The following PDE8A variants were observed in gnomAD, a reference collection of about 807,000 sequenced individuals.
PDE8A encodes phosphodiesterase 8A.
A neutral mutation model predicts 105.0 loss-of-function variants in PDE8A; 59 were observed. The observed-to-expected ratio is 0.56, with a 90% CI of 0.46 to 0.70. The LOEUF (loss-of-function observed/expected upper bound fraction) is 0.70, where lower values mean the gene tolerates loss of function less well. PDE8A is among the 30% of genes least tolerant of loss of function. The probability of loss-of-function intolerance (pLI) is 0.00; values close to 1 mark genes in which losing one functional copy is unlikely to be tolerated. For missense variants in PDE8A, 1,014 were observed against 1,045.9 expected, an observed-to-expected ratio of 0.97 and a Z score of 0.42; for synonymous variants, 355 against 371.9, an observed-to-expected ratio of 0.95 and a Z score of 0.52.
chr15:85,020,067 A>G (rs1253672493), intron 1 of PDE8A, among the ~76,000 whole-genome samples: 1 of 149,824 alleles, frequency 6.7e-6, no homozygotes, highest in Admixed American at 6.8e-5. Context: ...CCACCAGTAA[A>G]GTCAGAAATG....
At chr15:85,070,207 A>G (rs1644271582) in intron 3 of PDE8A, among the ~76,000 whole-genome samples, 1 of 152,176 alleles carries the variant, frequency 6.6e-6, no homozygotes, top group Non-Finnish European at 1.5e-5. Context: ...AATGACTAGC[A>G]TTCACCTGTA....
chr15:85,086,467 G>A (rs1298533663), intron 6 of PDE8A, among the ~76,000 whole-genome samples: 1 of 152,082 alleles, frequency 6.6e-6, no homozygotes, highest in East Asian at 1.9e-4. Flanking sequence ...AATACATGAA[G>A]AGCTTTGATT....
intron 17 of PDE8A, among the ~76,000 whole-genome samples, chr15:85,119,071 T>G (rs1201893286): frequency 1.3e-5 from 2 of 152,238 alleles, no homozygotes; most frequent in Non-Finnish European, 2.9e-5. Flanking sequence ...GAGGGACATC[T>G]GTGTCAATAT....
chr15:85,032,105 A>G (rs2080625580), intron 1 of PDE8A, among the ~76,000 whole-genome samples: 1 of 152,234 alleles, frequency 6.6e-6, no homozygotes. Flanking sequence ...TCACAGCCAT[A>G]GCCAGCTTTG....
At chr15:85,057,270 AG>A (rs1378409522) in intron 1 of PDE8A, among the ~76,000 whole-genome samples, 13 of 152,172 alleles carry the variant, frequency 8.5e-5, no homozygotes, top group African/African-American at 3.1e-4. Flanking sequence ...GATCCGCTTG[AG>A]GAGGCAGACT....
At chr15:85,010,004 T>G (rs1239306701) in intron 1 of PDE8A, among the ~76,000 whole-genome samples, 1 of 152,144 alleles carries the variant, frequency 6.6e-6, no homozygotes, top group Admixed American at 6.5e-5. Context: ...TCGTGTTGAG[T>G]GAATGAAGCC....
intron 11 of PDE8A, 109 bp downstream of exon 11, chr15:85,100,307 C>A: frequency 3.2e-6 from 3 of 943,942 alleles, no homozygotes; most frequent in South Asian, 1.5e-5. Context: ...TTTCCTCAGA[C>A]TGTGGCAACA....
Position 85,083,614 on chromosome 15 carries a change from T to C in PDE8A, c.605T>C (p.Phe202Ser). The change falls in exon 6 of 22, where the codon TTT becomes TCT. Residue 202 changes from phenylalanine to serine, a missense_variant. Phe to Ser is a radical substitution (Grantham distance 155). Transcript: ENST00000394553. ...ACYNELLQLE[F>S]GEVRSQLKLR... The stretch of plus-strand genomic sequence containing the variant: ...TACAATGAACTGCTCCAGCTGGAGT[T>C]TGGAGAGGTGCGATCACAACTGAAA... 6.2e-7 allele frequency: 1 copy of C among 1,613,488 alleles called. No individual in the cohort carries two copies. Among genetic ancestry groups the C allele is most frequent in the Non-Finnish European group, 8.5e-7 (1 of 1,179,446 alleles).
At chr15:84,984,451 A>G (rs928071757) in intron 1 of PDE8A, among the ~76,000 whole-genome samples, 2 of 152,208 alleles carry the variant, frequency 1.3e-5, no homozygotes, top group African/African-American at 4.8e-5. Flanking sequence ...AAATCATAAA[A>G]TTAGTTTCTT....
intron 1 of PDE8A, among the ~76,000 whole-genome samples, chr15:85,056,650 TC>T (rs2081064452): frequency 6.6e-6 from 1 of 152,236 alleles, no homozygotes. Context: ...GTCATGGTTT[TC>T]AGCTCCATCA....
intron 18 of PDE8A, among the ~76,000 whole-genome samples, chr15:85,122,359 C>T (rs746976465): frequency 1.3e-5 from 2 of 152,128 alleles, no homozygotes; most frequent in Non-Finnish European, 2.9e-5. Flanking sequence ...ATGAAGAATA[C>T]TTATTAATAT....
At chr15:85,000,089 C>G (rs1362789294) in intron 1 of PDE8A, among the ~76,000 whole-genome samples, 2 of 152,190 alleles carry the variant, frequency 1.3e-5, no homozygotes, top group Non-Finnish European at 2.9e-5. Flanking sequence ...GCTGTGTGAG[C>G]TGGAGCAAAT....
At chr15:85,118,341 T>G (rs185801032) in intron 17 of PDE8A, among the ~76,000 whole-genome samples, 20 of 152,198 alleles carry the variant, frequency 1.3e-4, no homozygotes, top group Admixed American at 1.3e-3. Flanking sequence ...TTCTTTCCAC[T>G]CCTCAACCCC....
intron 3 of PDE8A, among the ~76,000 whole-genome samples, chr15:85,069,430 A>G (rs1178454915): frequency 6.6e-6 from 1 of 152,200 alleles, no homozygotes; most frequent in African/African-American, 2.4e-5. Context: ...TTGCTAGAAC[A>G]GAGCTATTAT....
At chr15:85,062,410 A>G (rs888710282) in intron 1 of PDE8A, 4 of 152,164 alleles carry the variant, frequency 2.6e-5, no homozygotes, top group Non-Finnish European at 4.4e-5. Context: ...TTGCTTTTCA[A>G]TGCCTTAGTC....
intron 3 of PDE8A, among the ~76,000 whole-genome samples, chr15:85,070,566 T>G (rs2081296348): frequency 6.6e-6 from 1 of 152,048 alleles, no homozygotes; most frequent in Admixed American, 6.6e-5. Context: ...AGCAGGAGTT[T>G]TGAAAGGAAA....
At chr15:85,025,281 G>A (rs759819658) in intron 1 of PDE8A, among the ~76,000 whole-genome samples, 3 of 152,126 alleles carry the variant, frequency 2.0e-5, no homozygotes, top group Non-Finnish European at 1.5e-5. Flanking sequence ...GCACTCCCTT[G>A]AAGCCAGTTC....
chr15:85,033,123 A>G (rs528182730), intron 1 of PDE8A, among the ~76,000 whole-genome samples: 1 of 152,338 alleles, frequency 6.6e-6, no homozygotes, highest in South Asian at 2.1e-4. Flanking sequence ...AGTTCTTCAA[A>G]GATTGAACCA....
At chr15:85,003,169 C>T (rs2080092782) in intron 1 of PDE8A, among the ~76,000 whole-genome samples, 1 of 152,104 alleles carries the variant, frequency 6.6e-6, no homozygotes. Context: ...ATAACCAGAC[C>T]AAGGGAAGGA....
Sources: allele counts gnomAD v4.1 joint callset (sites outside exome capture counted in the v4.1 genomes callset), GRCh38; gene constraint gnomAD v4.1.1; transcripts MANE v1.5; gene names NCBI Gene and HGNC (gene_info 2026-07-23, HGNC 2026-07-21).